SHROOM3: variants seen among roughly 807,000 people sequenced by gnomAD.
The protein encoded by SHROOM3 is protein Shroom3.
Under a neutral mutation model 138.6 loss-of-function variants are expected in SHROOM3, and 47 were observed. The observed-to-expected ratio is 0.34, with a 90% CI of 0.27 to 0.43. SHROOM3 has a LOEUF of 0.43. Among genes scored for constraint, SHROOM3 ranks in the 20% least tolerant of loss-of-function variants. The pLI, the probability that SHROOM3 is intolerant of heterozygous loss-of-function variation, is 1.00. For missense variants in SHROOM3, 2,491 were observed against 2,596.5 expected (o/e 0.96, Z 0.88); for synonymous variants, 1,062 against 1,063.3 (o/e 1.00, Z 0.02).
In SHROOM3 at chr4:76,582,372, A is replaced by G. The variant is rs1034659038; in HGVS notation, c.323+26609A>G. Among the ~76,000 whole-genome samples, 10 of 152,282 alleles carry G rather than the reference A, an allele frequency of 6.6e-5. 1 individual carries two copies. Among genetic ancestry groups the G allele is most frequent in the Admixed American group, 6.5e-4 (10 of 15,302 alleles). Reference sequence around the variant, plus strand: ...TTTAACTGTTATGGACAGACCCAGAAATTAAAAAAAAAAAATGAGCAAAGA... The same window carrying G: ...TTTAACTGTTATGGACAGACCCAGAGATTAAAAAAAAAAAATGAGCAAAGA... On this transcript the variant is annotated intron_variant, in intron 2 of 10. Coordinates refer to ENST00000296043, the MANE Select transcript of SHROOM3 (RefSeq NM_020859.4).
chr4:76,594,505 A>G (rs182506376), intron 2 of SHROOM3, among the ~76,000 whole-genome samples: 8 of 152,366 alleles, frequency 5.3e-5, no homozygotes, highest in Non-Finnish European at 7.3e-5. Flanking sequence ...ACTTACATAA[A>G]AACTTTAACT....
chr4:76,600,332 G>A (rs1734481143), intron 2 of SHROOM3, among the ~76,000 whole-genome samples: 1 of 119,400 alleles, frequency 8.4e-6, no homozygotes, highest in Non-Finnish European at 1.9e-5. Flanking sequence ...TTATATACAT[G>A]GCTTGCTCCT....
intron 1 of SHROOM3, among the ~76,000 whole-genome samples, chr4:76,485,005 T>C (rs888232289): frequency 2.0e-5 from 3 of 152,200 alleles, no homozygotes; most frequent in African/African-American, 7.2e-5. Flanking sequence ...ATACCTATAA[T>C]ACATTCACAG....
chr4:76,650,015 TCTC>T (rs1423681771), intron 2 of SHROOM3, among the ~76,000 whole-genome samples: 2 of 152,196 alleles, frequency 1.3e-5, no homozygotes, highest in Non-Finnish European at 2.9e-5. Flanking sequence ...GTGGCTTCCT[TCTC>T]CTTATGTCCT....
At chr4:76,482,687 G>A (rs1418803076) in intron 1 of SHROOM3, among the ~76,000 whole-genome samples, 1 of 152,078 alleles carries the variant, frequency 6.6e-6, no homozygotes, top group Non-Finnish European at 1.5e-5. Flanking sequence ...AGCCCACATA[G>A]CCAAGACAAT....
chr4:76,515,429 G>T (rs1732425449), intron 1 of SHROOM3, among the ~76,000 whole-genome samples: 1 of 151,884 alleles, frequency 6.6e-6, no homozygotes, highest in African/African-American at 2.4e-5. Flanking sequence ...CCAAACAAGA[G>T]AAGAGAGGCT....
intron 1 of SHROOM3, among the ~76,000 whole-genome samples, chr4:76,481,061 C>A (rs1181330488): frequency 1.3e-5 from 2 of 152,010 alleles, no homozygotes; most frequent in African/African-American, 4.8e-5. Context: ...CCTAACATCA[C>A]AATTAAAGGA....
intron 1 of SHROOM3, among the ~76,000 whole-genome samples, chr4:76,537,174 T>C (rs1732971099): frequency 1.3e-5 from 2 of 152,070 alleles, no homozygotes; most frequent in Admixed American, 1.3e-4. Flanking sequence ...ATGTAGCTAC[T>C]GAGAGGGAGG....
At chr4:76,774,720 G>GTTTTTTTTTTTTTT (rs71212453) in intron 10 of SHROOM3, among the ~76,000 whole-genome samples, 1 of 112,268 alleles carries the variant, frequency 8.9e-6, no homozygotes, top group Non-Finnish European at 1.9e-5. Context: ...TTTTTTTTTT[G>GTTTTTTTTTTTTTT]TTTTTTTTTT....
At chr4:76,701,720 T>C (rs1453226198) in intron 2 of SHROOM3, among the ~76,000 whole-genome samples, 1 of 152,234 alleles carries the variant, frequency 6.6e-6, no homozygotes, top group African/African-American at 2.4e-5. Flanking sequence ...TCTCTACTGA[T>C]ACTAGTTTCA....
At chr4:76,688,338 T>C in intron 2 of SHROOM3, 1 of 957,760 alleles carries the variant, frequency 1.0e-6, no homozygotes, top group Non-Finnish European at 1.2e-6. Flanking sequence ...TGCTCCTGCA[T>C]TCTGTCAGGA....
At chr4:76,486,139 A>C (rs1731725150) in intron 1 of SHROOM3, among the ~76,000 whole-genome samples, 1 of 152,244 alleles carries the variant, frequency 6.6e-6, no homozygotes, top group South Asian at 2.1e-4. Flanking sequence ...TCTGCAGGTC[A>C]GAAAGGAAGT....
At chr4:76,742,581 C>G (rs896460039) in intron 5 of SHROOM3, among the ~76,000 whole-genome samples, 1 of 152,124 alleles carries the variant, frequency 6.6e-6, no homozygotes, top group African/African-American at 2.4e-5. Context: ...CTCAAAATCT[C>G]ACATAAAAGG....
intron 2 of SHROOM3, among the ~76,000 whole-genome samples, chr4:76,565,160 C>CAAAAAAAAAAAAAAAAAAA (rs1166896258): frequency 3.7e-5 from 5 of 135,926 alleles, no homozygotes; most frequent in African/African-American, 1.4e-4. Context: ...GACTCCATTT[C>CAAAAAAAAAAAAAAAAAAA]AAAAAAAAAA....
intron 2 of SHROOM3, among the ~76,000 whole-genome samples, chr4:76,642,761 G>T (rs927426886): frequency 1.3e-5 from 2 of 152,116 alleles, no homozygotes; most frequent in South Asian, 4.2e-4. Context: ...TGAAGGAATG[G>T]AAGCCAATAC....
intron 1 of SHROOM3, among the ~76,000 whole-genome samples, chr4:76,469,118 C>T (rs565405125): frequency 7.9e-5 from 12 of 151,796 alleles, no homozygotes; most frequent in African/African-American, 2.2e-4. Flanking sequence ...AGGAGAATTA[C>T]TTGAACCTGG....
At chr4:76,461,681 A>T (rs879417054) in intron 1 of SHROOM3, among the ~76,000 whole-genome samples, 1 of 152,202 alleles carries the variant, frequency 6.6e-6, no homozygotes, top group Non-Finnish European at 1.5e-5. Flanking sequence ...TGTTGTCCTC[A>T]TTAGGTGAAA....
At chr4:76,629,678 C>T (rs1735255516) in intron 2 of SHROOM3, among the ~76,000 whole-genome samples, 1 of 152,078 alleles carries the variant, frequency 6.6e-6, no homozygotes, top group African/African-American at 2.4e-5. Flanking sequence ...GTCGAAACAA[C>T]AGTATCTACT....
intron 2 of SHROOM3, among the ~76,000 whole-genome samples, chr4:76,681,082 C>T (rs1719178575): frequency 6.6e-6 from 1 of 152,226 alleles, no homozygotes; most frequent in African/African-American, 2.4e-5. Flanking sequence ...CTTCCACCAT[C>T]TGCCTCTCCA....
Sources: allele counts gnomAD v4.1 joint callset (sites outside exome capture counted in the v4.1 genomes callset), GRCh38; gene constraint gnomAD v4.1.1; transcripts MANE v1.5; gene names NCBI Gene and HGNC (gene_info 2026-07-23, HGNC 2026-07-21).